The following CAST variants were observed in gnomAD, a reference collection of about 807,000 sequenced individuals.
CAST encodes calpastatin.
In CAST, 76 loss-of-function variants were observed where a neutral mutation model predicts 119.6. The observed-to-expected ratio is 0.64, with a 90% CI of 0.53 to 0.77. The LOEUF (loss-of-function observed/expected upper bound fraction) is 0.77, where lower values mean the gene tolerates loss of function less well. CAST is among the 30% of genes least tolerant of loss of function. The pLI, the probability that CAST is intolerant of heterozygous loss-of-function variation, is 0.00. For synonymous variants in CAST, 319 were observed against 331.6 expected (o/e 0.96, Z 0.41); for missense variants, 953 against 946.5 (o/e 1.01, Z -0.09).
At chr5:95,997,970 T>TC in the CAST span, among the ~76,000 whole-genome samples, 1 of 146,886 alleles carries the variant, frequency 6.8e-6, no homozygotes. Context: ...AGGGTTTTTT[T>TC]TTTTTTTTTT....
At chr5:96,206,555 T>C in the CAST span, among the ~76,000 whole-genome samples, 2 of 152,114 alleles carry the variant, frequency 1.3e-5, no homozygotes, top group African/African-American at 4.8e-5. Flanking sequence ...GTTTATTTAA[T>C]AGGCAATTCT....
At chr5:96,432,479 G>C in the CAST span, among the ~76,000 whole-genome samples, 3 of 152,184 alleles carry the variant, frequency 2.0e-5, no homozygotes, top group Admixed American at 6.5e-5. Flanking sequence ...CCTCAGTCCC[G>C]GGGGATGGAG....
chr5:96,436,881 T>G, the CAST span, among the ~76,000 whole-genome samples: 2 of 152,184 alleles, frequency 1.3e-5, no homozygotes, highest in African/African-American at 4.8e-5. Context: ...TGACCAAATT[T>G]TGGTGGGTGT....
chr5:96,320,725 A>AG, the CAST span, among the ~76,000 whole-genome samples: 1 of 148 alleles, frequency 6.8e-3, no homozygotes, highest in East Asian at 0.12. Flanking sequence ...CTAGTTGTAC[A>AG]ATAGACAGTC....
intron 1 of CAST, among the ~76,000 whole-genome samples, chr5:96,542,449 T>C (rs1169338884): frequency 2.1e-5 from 2 of 95,262 alleles, no homozygotes; most frequent in East Asian, 6.6e-4. Context: ...GCATTTGGTA[T>C]TGTCAGTTTT....
chr5:96,510,180 T>C, the CAST span, among the ~76,000 whole-genome samples: 2 of 152,192 alleles, frequency 1.3e-5, no homozygotes, highest in African/African-American at 4.8e-5. Context: ...TAAGCTGTAA[T>C]AGTCTGTGAG....
the CAST span, among the ~76,000 whole-genome samples, chr5:95,973,936 A>G: frequency 6.6e-6 from 1 of 152,002 alleles, no homozygotes; most frequent in Non-Finnish European, 1.5e-5. Flanking sequence ...TAGAAAAAAG[A>G]CCCGTGTACA....
chr5:96,537,470 G>A (rs532103746), intron 1 of CAST, among the ~76,000 whole-genome samples: 5 of 152,224 alleles, frequency 3.3e-5, no homozygotes, highest in African/African-American at 7.2e-5. Context: ...AGTCACATAC[G>A]TGTATGATGA....
At chr5:96,472,615 A>T in the CAST span, among the ~76,000 whole-genome samples, 2 of 152,228 alleles carry the variant, frequency 1.3e-5, no homozygotes, top group African/African-American at 4.8e-5. Flanking sequence ...GTGAGGAGAC[A>T]GAGCAAGAAG....
chr5:96,076,964 A>G, the CAST span, among the ~76,000 whole-genome samples: 1,593 of 151,072 alleles, frequency 0.011, 8 homozygotes, highest in Middle Eastern at 0.017. Flanking sequence ...ATTTTATAAT[A>G]TTTATAATAA....
chr5:96,125,555 G>A, the CAST span, among the ~76,000 whole-genome samples: 1 of 152,116 alleles, frequency 6.6e-6, no homozygotes, highest in African/African-American at 2.4e-5. Flanking sequence ...TGCAAGCCCT[G>A]TGGAAATGCT....
the CAST span, among the ~76,000 whole-genome samples, chr5:96,375,920 T>G: frequency 1.4e-5 from 2 of 147,366 alleles, no homozygotes. Context: ...TATAAATATA[T>G]AAATATAAAT....
intron 17 of CAST, among the ~76,000 whole-genome samples, chr5:96,747,003 T>G (rs1763897096): frequency 6.6e-6 from 1 of 152,236 alleles, no homozygotes; most frequent in Non-Finnish European, 1.5e-5. Flanking sequence ...ATCCACCTCT[T>G]CACTCTAGGT....
intron 1 of CAST, among the ~76,000 whole-genome samples, chr5:96,548,167 A>G (rs1167221843): frequency 6.6e-6 from 1 of 152,192 alleles, no homozygotes; most frequent in Non-Finnish European, 1.5e-5. Context: ...CAAAATCACC[A>G]TAGGTCCTCT....
chr5:96,639,441 T>A (rs932353308), intron 1 of CAST, among the ~76,000 whole-genome samples: 3 of 152,202 alleles, frequency 2.0e-5, no homozygotes, highest in African/African-American at 7.2e-5. Flanking sequence ...TCACATTTTA[T>A]CTCCTCTTCT....
At chr5:96,760,868 AATT>A (rs1245136423) in intron 24 of CAST, 1 of 151,942 alleles carries the variant, frequency 6.6e-6, no homozygotes, top group Non-Finnish European at 1.5e-5. Context: ...AACTCAATAA[AATT>A]ATTCAATGAT....
At chr5:96,439,076 A>G in the CAST span, among the ~76,000 whole-genome samples, 1 of 152,170 alleles carries the variant, frequency 6.6e-6, no homozygotes, top group Non-Finnish European at 1.5e-5. Context: ...TTCCATGTCA[A>G]TAACTGTTCA....
intron 1 of CAST, among the ~76,000 whole-genome samples, chr5:96,551,626 A>T (rs1466182868): frequency 6.6e-6 from 1 of 152,172 alleles, no homozygotes; most frequent in Non-Finnish European, 1.5e-5. Flanking sequence ...AGACTGGCAA[A>T]TTGGATAAAG....
chr5:96,090,217 G>A, the CAST span, among the ~76,000 whole-genome samples: 1 of 152,138 alleles, frequency 6.6e-6, no homozygotes, highest in African/African-American at 2.4e-5. Context: ...GTACCTTATG[G>A]CAGCCAAAAC....
Sources: gnomAD v4.1 joint callset for allele counts (sites outside exome capture counted in the v4.1 genomes callset) on GRCh38, gnomAD v4.1.1 for gene constraint, MANE v1.5 for transcripts, NCBI Gene and HGNC (gene_info 2026-07-23, HGNC 2026-07-21) for gene names.